BAHCC1: variants seen among roughly 807,000 people sequenced by gnomAD.
BAHCC1 encodes BAH domain and coiled-coil containing 1.
In BAHCC1, 43 loss-of-function variants were observed where a neutral mutation model predicts 88.2. The ratio of observed to expected loss-of-function variants is 0.49; its 90% CI spans 0.38 to 0.63. The LOEUF is 0.63. Ranked by LOEUF, BAHCC1 falls within the 20% of genes least tolerant of loss-of-function variation. The pLI is 0.00. For missense variants in BAHCC1, 3,023 were observed against 1,654.8 expected, an observed-to-expected ratio of 1.83 and a Z score of -14.34; for synonymous variants, 1,510 against 745.5, an observed-to-expected ratio of 2.03 and a Z score of -16.71.
In BAHCC1 at chr17:81,447,259, C is replaced by T. The variant is rs1555654732; in HGVS notation, c.3387C>T (p.Asp1129=). ...LLSGAREATQ[D]LAATPYPTER... is the part of the protein sequence containing the mutation. ...CAGGGGCCAGGGAGGCCACCCAGGACCTTGCCGCCACCCCCTACCCTACCG... is the reference window on the plus strand; with the variant it reads ...CAGGGGCCAGGGAGGCCACCCAGGATCTTGCCGCCACCCCCTACCCTACCG... The change falls in exon 11 of 28, where the codon GAC becomes GAT. Residue 1129 remains aspartate (D), a synonymous_variant. Coordinates refer to ENST00000675386, the MANE Select transcript of BAHCC1 (RefSeq NM_001377448.1). The T allele has an allele frequency of 5.6e-6, 4 of 713,122 alleles. No individual in the cohort carries two copies. Among genetic ancestry groups the T allele is most frequent in the African/African-American group, 1.8e-5 (1 of 56,876 alleles). The allele number at this position is 713,122 out of a possible 1,614,324, so 44.2% of individuals were successfully genotyped here. A position where few individuals can be genotyped will look rare whatever the true frequency, so the allele number is the denominator to read the frequency against.
intron 11 of BAHCC1, among the ~76,000 whole-genome samples, chr17:81,448,794 C>T (rs2064580464): frequency 6.6e-6 from 1 of 152,126 alleles, no homozygotes; most frequent in Non-Finnish European, 1.5e-5. Flanking sequence ...GGGTATCTGG[C>T]CCAGAGTCCC....
chr17:81,462,507 C>T (rs1555659795), intron 26 of BAHCC1: 3 of 566,294 alleles, frequency 5.3e-6, no homozygotes, highest in East Asian at 5.8e-5. Flanking sequence ...GATCCAGTGT[C>T]CAGACGTCAT....
At chr17:81,463,486 TC>T (rs1555660031) in intron 27 of BAHCC1, 124 bp from the exon 28 acceptor site, 2 of 666,838 alleles carry the variant, frequency 3.0e-6, no homozygotes, top group East Asian at 5.4e-5. Context: ...GGCCCCGTCT[TC>T]CGGCCACACA....
chr17:81,397,395 GAAAAAA>G (rs869105058), intron 1 of BAHCC1, among the ~76,000 whole-genome samples: 3 of 132,584 alleles, frequency 2.3e-5, no homozygotes, highest in Non-Finnish European at 3.2e-5. Context: ...TTATTGGAGA[GAAAAAA>G]AAAAAAAAAA....
intron 10 of BAHCC1, chr17:81,446,799 C>G (rs1555654488): frequency 3.0e-6 from 2 of 674,474 alleles, no homozygotes; most frequent in Non-Finnish European, 5.5e-6. Flanking sequence ...ATGATCCATC[C>G]ACCTCAGCCT....
In BAHCC1 at chr17:81,463,920, C is replaced by T. The variant is rs2030521897; in HGVS notation, c.*103C>T. ...GGAGGCAGCCCCGGCCTCCCAAGGG[C>T]GCATCTGAGCAAATATGCAAAAGCC... is the stretch of plus-strand genomic sequence containing the variant. On this transcript the variant is annotated 3_prime_UTR_variant, in exon 28 of 28. Coordinates refer to ENST00000675386, the MANE Select transcript of BAHCC1 (RefSeq NM_001377448.1). The T allele has an allele frequency of 1.5e-5, 10 of 663,366 alleles. No homozygotes were observed. Among genetic ancestry groups the T allele is most frequent in the African/African-American group, 3.6e-5 (2 of 55,956 alleles). 41.1% of individuals were successfully genotyped at this position (663,366 alleles called of 1,614,324 possible). A position where few individuals can be genotyped will look rare whatever the true frequency, so the allele number is the denominator to read the frequency against.
intron 2 of BAHCC1, among the ~76,000 whole-genome samples, chr17:81,421,247 C>A (rs188566187): frequency 6.6e-6 from 1 of 152,356 alleles, no homozygotes; most frequent in African/African-American, 2.4e-5. Context: ...CTGGCCTTGG[C>A]CCACACGGTC....
rs1323527532 is a variant in BAHCC1, at chr17:81,447,612, C to G, written c.3740C>G (p.Ala1247Gly). The G allele has an allele frequency of 2.5e-5, 19 of 745,958 alleles. No homozygotes were observed. The African/African-American group carries it at 3.3e-4, about 13-fold the overall frequency. 46.2% of individuals were successfully genotyped at this position (745,958 alleles called of 1,614,324 possible). ...GACTCAGAGGAGGACTGTGGCGGAG[C>G]TCCCGACAACAGCCACCCACCCAGG... ...MEDSEEDCGG[A>G]PDNSHPPRAL... Residue 1247 changes from alanine (A) to glycine (G), a missense_variant, in exon 11 of 28, where the codon GCT becomes GGT. By Grantham distance (60) the Ala-to-Gly change is moderately conservative. Coordinates refer to ENST00000675386, the MANE Select transcript of BAHCC1 (RefSeq NM_001377448.1).
intron 2 of BAHCC1, among the ~76,000 whole-genome samples, chr17:81,423,515 C>T (rs1169576113): frequency 1.3e-5 from 2 of 152,098 alleles, no homozygotes; most frequent in East Asian, 3.9e-4. Context: ...GCAGACCCCA[C>T]TATCCCCACG....
At chr17:81,397,472 AC>A (rs2063758093) in intron 1 of BAHCC1, among the ~76,000 whole-genome samples, 1 of 150,516 alleles carries the variant, frequency 6.6e-6, no homozygotes, top group Admixed American at 6.6e-5. Flanking sequence ...GAAGCCTGGC[AC>A]CCCCGCGTGC....
chr17:81,434,268 G>A lies in BAHCC1; in HGVS notation c.359-4102G>A, dbSNP rs1441766757. Among the ~76,000 whole-genome samples the A allele has an allele frequency of 6.6e-6, 1 of 152,178 alleles. No individual in the cohort carries two copies. The highest frequency in any genetic ancestry group is 2.4e-5 in the African/African-American group (1 of 41,440). ...GCCCACGTGCACATTCCAGGCTCGGGGCCACGCCCAGCTGACTGCATGACC... is the reference window on the plus strand; with the variant it reads ...GCCCACGTGCACATTCCAGGCTCGGAGCCACGCCCAGCTGACTGCATGACC... On this transcript the variant is annotated intron_variant, in intron 3 of 27. Coordinates refer to ENST00000675386, the MANE Select transcript of BAHCC1 (RefSeq NM_001377448.1). The surrounding 1 kb of genome is among the most constrained non-coding windows in gnomAD (Gnocchi z 4.9).
At position 81,399,540 on chromosome 17, in the gene BAHCC1, G is replaced by T; in HGVS notation, c.-200G>T. 1 of 385,852 alleles carries T rather than the reference G, an allele frequency of 2.6e-6. No individual in the cohort carries two copies. Among genetic ancestry groups the T allele is most frequent in the South Asian group, 1.8e-5 (1 of 56,582 alleles). The allele number at this position is 385,852 out of a possible 1,614,324, so 23.9% of individuals were successfully genotyped here. ...TCTGCTTTTGCCTCCACAGACCATGGACCCGCACAGCGGCCGCTGGCTCGG... is the reference window on the plus strand; with the variant it reads ...TCTGCTTTTGCCTCCACAGACCATGTACCCGCACAGCGGCCGCTGGCTCGG... On this transcript the variant is annotated 5_prime_UTR_variant, in exon 2 of 28. Transcript: ENST00000675386. This position sits in a 1 kb window ranked among gnomAD's most constrained non-coding sequence, Gnocchi z 4.5.
chr17:81,457,277 C>T (rs1197411788), intron 16 of BAHCC1, 133 bp from the exon 17 acceptor site: 52 of 624,648 alleles, frequency 8.3e-5, no homozygotes, highest in South Asian at 7.3e-4. Context: ...CCCCACAGAG[C>T]GGCCCAGAGG....
Position 81,459,101 on chromosome 17 carries a change from G to A in BAHCC1, c.5653G>A (p.Val1885Met), listed in dbSNP as rs781847791. The A allele has an allele frequency of 5.2e-6, 4 of 771,252 alleles. No individual in the cohort carries two copies. Among genetic ancestry groups the A allele is most frequent in the Admixed American group, 3.4e-5 (2 of 58,188 alleles). 47.8% of individuals were successfully genotyped at this position (771,252 alleles called of 1,614,324 possible). ...HKEDLRDGLP[V>M]LIPKEDSLLY... Reference sequence around the variant, plus strand: ...GGAGGACCTGCGGGACGGGCTGCCCGTGCTCATCCCCAAGGAGGATAGCCT... The same window carrying A: ...GGAGGACCTGCGGGACGGGCTGCCCATGCTCATCCCCAAGGAGGATAGCCT... The change falls in exon 21 of 28, where the codon GTG (valine) becomes ATG (methionine). Residue 1885 changes from valine to methionine, a missense_variant. Coordinates refer to ENST00000675386, the MANE Select transcript of BAHCC1 (RefSeq NM_001377448.1).
chr17:81,400,917 C>T (rs1180409950), intron 2 of BAHCC1: 1 of 153,294 alleles, frequency 6.5e-6, no homozygotes, highest in Non-Finnish European at 1.5e-5. Context: ...GGGGGAAGCG[C>T]GCAGGGCTGC....
Position 81,456,362 on chromosome 17 carries a change from G to A in BAHCC1, c.4635G>A (p.Val1545=). The part of the protein sequence containing the change: ...GGLAPSVAHR[V]AQLKPKVKSK... Reference sequence around the variant, plus strand: ...TGGCGCCCTCCGTGGCCCACAGGGTGGCCCAGCTGAAACCCAAGGTCAAGA... The same window carrying A: ...TGGCGCCCTCCGTGGCCCACAGGGTAGCCCAGCTGAAACCCAAGGTCAAGA... Residue 1545 remains valine, a synonymous_variant, in exon 16 of 28, where the codon GTG becomes GTA. Coordinates refer to ENST00000675386, the MANE Select transcript of BAHCC1 (RefSeq NM_001377448.1). The A allele has an allele frequency of 1.4e-6, 1 of 723,826 alleles. No homozygotes were observed. The highest frequency in any genetic ancestry group is 2.6e-6 in the Non-Finnish European group (1 of 388,906). 44.8% of individuals were successfully genotyped at this position (723,826 alleles called of 1,614,324 possible).
In BAHCC1 at chr17:81,447,274, C is replaced by G. The variant is rs782646519; in HGVS notation, c.3402C>G (p.Pro1134=). 3 of 715,828 alleles carry G rather than the reference C, an allele frequency of 4.2e-6. No individual in the cohort carries two copies. The South Asian group carries it at 4.7e-5, about 11-fold the overall frequency. The allele number at this position is 715,828 out of a possible 1,614,324, so 44.3% of individuals were successfully genotyped here. Residue 1134 remains proline (P), a synonymous_variant, in exon 11 of 28, where the codon CCC becomes CCG. Transcript: ENST00000675386. ...REATQDLAAT[P]YPTERGPQGK... ...CCACCCAGGACCTTGCCGCCACCCC[C>G]TACCCTACCGAGCGGGGACCCCAGG...
chr17:81,455,035 C>T (rs1555656873), intron 14 of BAHCC1, among the ~76,000 whole-genome samples: 1 of 152,220 alleles, frequency 6.6e-6, no homozygotes, highest in African/African-American at 2.4e-5. Flanking sequence ...GATATAGGGA[C>T]TGCTGAGGGC....
In BAHCC1 at chr17:81,455,408, C is replaced by T. The variant is rs570941685; in HGVS notation, c.4569+18C>T. On this transcript the variant is annotated intron_variant, in intron 15 of 27. Coordinates refer to ENST00000675386, the MANE Select transcript of BAHCC1 (RefSeq NM_001377448.1). ...CCTCCGTGGTGAGTGCCGAGGCGCC[C>T]GCCTTGCCCCAGGGCCCTTCAGGTC... is the stretch of plus-strand genomic sequence containing the variant. 2.2e-5 allele frequency: 16 copies of T among 714,252 alleles called. No homozygotes were observed. The highest frequency in any genetic ancestry group is 3.1e-5 in the Non-Finnish European group (12 of 384,674). The allele number at this position is 714,252 out of a possible 1,614,324, so 44.2% of individuals were successfully genotyped here. A position where few individuals can be genotyped will look rare whatever the true frequency, so the allele number is the denominator to read the frequency against.
Sources: allele counts gnomAD v4.1 joint callset (sites outside exome capture counted in the v4.1 genomes callset), GRCh38; gene constraint gnomAD v4.1.1; non-coding constraint Gnocchi (gnomAD v3.1); transcripts MANE v1.5; gene names NCBI Gene and HGNC (gene_info 2026-07-23, HGNC 2026-07-21).